The following PHF21A variants were observed in gnomAD, a reference collection of about 807,000 sequenced individuals.
The protein encoded by PHF21A is BHC80a.
PHF21A carries 11 observed loss-of-function variants against 82.5 expected under a neutral mutation model. The observed-to-expected ratio is 0.13, with a 90% CI of 0.08 to 0.22. PHF21A has a LOEUF of 0.22. Ranked by LOEUF, PHF21A falls within the 10% of genes least tolerant of loss-of-function variation. The pLI is 1.00. For missense variants in PHF21A, 579 were observed against 837.8 expected (o/e 0.69, Z 3.81); for synonymous variants, 297 against 302.8 (o/e 0.98, Z 0.20).
At chr11:45,938,926 C>A (rs1340220949) in intron 15 of PHF21A, among the ~76,000 whole-genome samples, 5 of 152,038 alleles carry the variant, frequency 3.3e-5, no homozygotes, top group Admixed American at 6.6e-5. Flanking sequence ...CTCCGCCTCC[C>A]AGGTTCACGC....
At chr11:45,971,083 G>T in intron 8 of PHF21A, 33 bp downstream of exon 8, 1 of 1,611,450 alleles carries the variant, frequency 6.2e-7, no homozygotes. Flanking sequence ...ACCTTCTCAT[G>T]TGATCACACA....
intron 2 of PHF21A, among the ~76,000 whole-genome samples, chr11:46,091,132 G>C (rs1438046381): frequency 2.0e-5 from 3 of 152,172 alleles, no homozygotes; most frequent in Non-Finnish European, 2.9e-5. Context: ...CCAAAAGGAA[G>C]AGAGACACCA....
intron 6 of PHF21A, among the ~76,000 whole-genome samples, chr11:46,037,070 T>G (rs1196823256): frequency 6.6e-5 from 10 of 152,196 alleles, no homozygotes. Flanking sequence ...AGAATAATAA[T>G]CTTTTTTCCC....
chr11:46,029,146 C>CA (rs2095814077), intron 6 of PHF21A, among the ~76,000 whole-genome samples: 1 of 152,148 alleles, frequency 6.6e-6, no homozygotes, highest in South Asian at 2.1e-4. Flanking sequence ...CTCAAGAAGT[C>CA]AACGATAACT....
chr11:46,030,844 T>C lies in PHF21A; in HGVS notation c.153+45910A>G, dbSNP rs949650030. 3.3e-3 allele frequency among the ~76,000 whole-genome samples: 494 copies of C among 147,638 alleles called. 1 individual carries two copies. Among genetic ancestry groups the C allele is most frequent in the African/African-American group, 0.012 (453 of 38,852 alleles). The stretch of plus-strand genomic sequence containing the variant: ...GCGTGTGTGTGCGTGTGTGTGTGTG[T>C]GTGTGTGTGTGTGTGTGTGTGTGTG... On this transcript the variant is annotated intron_variant, in intron 6 of 18. Coordinates refer to ENST00000676320, the MANE Select transcript of PHF21A (RefSeq NM_001352027.3).
chr11:45,987,254 G>GTATGTATGTATA (rs2094524274), intron 6 of PHF21A, among the ~76,000 whole-genome samples: 1 of 150,776 alleles, frequency 6.6e-6, no homozygotes, highest in Non-Finnish European at 1.5e-5. Context: ...ATAAATAAAT[G>GTATGTATGTATA]TATGTATGTA....
At chr11:46,071,711 T>C (rs1280837845) in intron 6 of PHF21A, among the ~76,000 whole-genome samples, 2 of 131,974 alleles carry the variant, frequency 1.5e-5, no homozygotes, top group African/African-American at 2.8e-5. Flanking sequence ...GGTATATCTA[T>C]CAAAGCAATA....
rs188668997 is a variant in PHF21A, at chr11:46,010,908, C to A, written c.154-30942G>T. On this transcript the variant is annotated intron_variant, in intron 6 of 18. Coordinates refer to ENST00000676320, the MANE Select transcript of PHF21A (RefSeq NM_001352027.3). ...GGCAGTGAACAGCATCATACCAGCTCCTTTCTCTCCTACTATAATAAATAA... is the reference window on the plus strand; with the variant it reads ...GGCAGTGAACAGCATCATACCAGCTACTTTCTCTCCTACTATAATAAATAA... 2.2e-3 allele frequency among the ~76,000 whole-genome samples: 330 copies of A among 152,224 alleles called. 1 individual carries two copies. The highest frequency in any genetic ancestry group is 1.6e-3 in the Non-Finnish European group (109 of 68,018).
intron 6 of PHF21A, among the ~76,000 whole-genome samples, chr11:45,983,345 T>G (rs2094377004): frequency 6.6e-6 from 1 of 152,022 alleles, no homozygotes; most frequent in African/African-American, 2.4e-5. Context: ...GCATTACAGG[T>G]CAGATCATAT....
At chr11:45,937,444 C>A (rs2089351231) in intron 16 of PHF21A, among the ~76,000 whole-genome samples, 1 of 152,122 alleles carries the variant, frequency 6.6e-6, no homozygotes, top group Non-Finnish European at 1.5e-5. Context: ...CCTGATATAA[C>A]AAAATAGGTT....
intron 6 of PHF21A, among the ~76,000 whole-genome samples, chr11:46,011,124 T>C (rs930271481): frequency 6.6e-6 from 1 of 152,206 alleles, no homozygotes; most frequent in Non-Finnish European, 1.5e-5. Context: ...CGTGAACTCC[T>C]TGAGGGAAAG....
chr11:46,057,325 G>A (rs1188797903), intron 6 of PHF21A, among the ~76,000 whole-genome samples: 1 of 152,086 alleles, frequency 6.6e-6, no homozygotes, highest in African/African-American at 2.4e-5. Flanking sequence ...CCTCAGCCAG[G>A]ATTCCTCATT....
chr11:46,084,038 G>T, intron 4 of PHF21A, 128 bp downstream of exon 4: 2 of 616,130 alleles, frequency 3.2e-6, no homozygotes, highest in East Asian at 3.4e-5. Context: ...AAAGGCAAAC[G>T]ACATGACTCT....
At chr11:46,108,198 T>C (rs965120108) in intron 1 of PHF21A, among the ~76,000 whole-genome samples, 1 of 152,188 alleles carries the variant, frequency 6.6e-6, no homozygotes, top group Non-Finnish European at 1.5e-5. Flanking sequence ...TAAATGTTAT[T>C]TGAAAACACA....
At chr11:45,970,024 AG>A in intron 8 of PHF21A, 120 bp from the exon 9 acceptor site, 1 of 752,950 alleles carries the variant, frequency 1.3e-6, no homozygotes. Flanking sequence ...TTTCATCGTA[AG>A]TTAATCATCT....
chr11:46,060,860 G>A (rs1220562038), intron 6 of PHF21A, among the ~76,000 whole-genome samples: 2 of 152,130 alleles, frequency 1.3e-5, no homozygotes, highest in Non-Finnish European at 1.5e-5. Flanking sequence ...AATTGCTTTT[G>A]CACCTTCATC....
chr11:45,952,013 C>T (rs951140489), intron 11 of PHF21A, among the ~76,000 whole-genome samples: 2 of 152,040 alleles, frequency 1.3e-5, no homozygotes, highest in African/African-American at 4.8e-5. Context: ...CACCATTGGC[C>T]GGGCTGGTCT....
intron 6 of PHF21A, among the ~76,000 whole-genome samples, chr11:46,067,129 T>C (rs529848945): frequency 6.6e-6 from 1 of 152,190 alleles, no homozygotes; most frequent in Non-Finnish European, 1.5e-5. Context: ...CTTGATTCAA[T>C]CACATTTGTT....
chr11:45,945,487 C>T (rs1448513637), intron 15 of PHF21A, among the ~76,000 whole-genome samples: 3 of 152,184 alleles, frequency 2.0e-5, no homozygotes, highest in African/African-American at 7.2e-5. Flanking sequence ...ATGTCTTGTT[C>T]ATTTTCCCCA....
Sources: allele counts gnomAD v4.1 joint callset (sites outside exome capture counted in the v4.1 genomes callset), GRCh38; gene constraint gnomAD v4.1.1; transcripts MANE v1.5; gene names NCBI Gene and HGNC (gene_info 2026-07-23, HGNC 2026-07-21).